Variants in CASC3 observed in about 807,000 individuals in gnomAD.
The protein encoded by CASC3 is CASC3 exon junction complex subunit.
CASC3 carries 30 observed loss-of-function variants against 80.5 expected under a neutral mutation model. The ratio of observed to expected loss-of-function variants is 0.37; its 90% confidence interval spans 0.28 to 0.51. The LOEUF (loss-of-function observed/expected upper bound fraction) is 0.51, where lower values mean the gene tolerates loss of function less well. CASC3 is among the 20% of genes least tolerant of loss of function. The pLI, the probability that CASC3 is intolerant of heterozygous loss-of-function variation, is 0.94. For synonymous variants in CASC3, 312 were observed against 333.6 expected (o/e 0.94, Z 0.70); for missense variants, 824 against 922.2 (o/e 0.89, Z 1.38).
At position 40,168,266 on chromosome 17, in the gene CASC3, C is replaced by G; in HGVS notation, c.1814C>G (p.Ser605Cys). The G allele has an allele frequency of 6.2e-7, 1 of 1,614,172 alleles. No individual in the cohort carries two copies. The highest frequency in any genetic ancestry group is 8.5e-7 in the Non-Finnish European group (1 of 1,180,026). Residue 605 changes from serine (S) to cysteine (C), a missense_variant, in exon 11 of 14, where the codon TCC becomes TGC. Around this residue, in one of 3 missense-constraint regions of CASC3, gnomAD observed 464 missense variants for 506.0 expected, o/e 0.92. Transcript: ENST00000264645. The part of the protein sequence containing the change: ...PNPGLYPPPV[S>C]MSPGQPPPQQ... ...CCAGGCCTCTATCCCCCACCAGTGT[C>G]CATGTCTCCAGGACAGCCACCACCT...
chr17:40,164,962 C>T (rs868523933), intron 7 of CASC3, among the ~76,000 whole-genome samples: 2 of 149,502 alleles, frequency 1.3e-5, no homozygotes, highest in Non-Finnish European at 3.0e-5. Context: ...TCACTGTTGC[C>T]CAGGCTGGAG....
chr17:40,155,046 C>G (rs559249819), intron 3 of CASC3, among the ~76,000 whole-genome samples: 30 of 151,912 alleles, frequency 2.0e-4, no homozygotes, highest in African/African-American at 7.0e-4. Context: ...CCCGCCACCA[C>G]GCCCAGCTGA....
intron 11 of CASC3, 113 bp downstream of exon 11, chr17:40,168,530 T>A (rs1598432332): frequency 1.1e-6 from 1 of 883,382 alleles, no homozygotes; most frequent in Non-Finnish European, 1.7e-6. Flanking sequence ...GTGCCACTGA[T>A]TTGTATGTGA....
In CASC3 at chr17:40,161,647, C is replaced by G. The variant is rs891502498; in HGVS notation, c.298-106C>G. ...TGAGCTGAGATTGTGCCACTGTATT[C>G]CAGCCTGGGTGACAGAGACTTTGTT... On this transcript the variant is annotated intron_variant, in intron 3 of 13. Transcript: ENST00000264645. 20 of 971,802 alleles carry G rather than the reference C, an allele frequency of 2.1e-5. No homozygotes were observed. The African/African-American group carries it at 2.9e-4, about 14-fold the overall frequency. 60.2% of individuals were successfully genotyped at this position (971,802 alleles called of 1,614,324 possible).
chr17:40,170,790 G>C lies in CASC3; in HGVS notation c.*385G>C. On this transcript the variant is annotated 3_prime_UTR_variant, in exon 14 of 14. Coordinates refer to ENST00000264645, the MANE Select transcript of CASC3 (RefSeq NM_007359.5). ...CCTTCCTGTTTGTTTTGTTTTCTAA[G>C]ATGTTCATTTTTAAAGCCTGGCTTC... is the stretch of plus-strand genomic sequence containing the variant. The C allele has an allele frequency of 2.0e-6, 2 of 985,316 alleles. No individual in the cohort carries two copies. The highest frequency in any genetic ancestry group is 2.4e-6 in the Non-Finnish European group (2 of 829,766). 61.0% of individuals were successfully genotyped at this position (985,316 alleles called of 1,614,324 possible).
At position 40,171,686 on chromosome 17, in the gene CASC3, C is replaced by T. The variant is rs1989597070; in HGVS notation, c.*1281C>T. ...TCTGCTGCCTCTGTGGAAGAGATTC[C>T]TATTACTGCAGTACATACGTCTGCC... On this transcript the variant is annotated 3_prime_UTR_variant, in exon 14 of 14. Transcript: ENST00000264645. 9.6e-7 allele frequency: 1 copy of T among 1,040,786 alleles called. No homozygotes were observed. Among genetic ancestry groups the T allele is most frequent in the African/African-American group, 1.7e-5 (1 of 59,314 alleles). The allele number at this position is 1,040,786 out of a possible 1,614,324, so 64.5% of individuals were successfully genotyped here. A position where few individuals can be genotyped will look rare whatever the true frequency, so the allele number is the denominator to read the frequency against.
rs145097033 is a variant in CASC3 at position 40,160,318 on chromosome 17, C to A, written c.298-1435C>A. Among the ~76,000 whole-genome samples, 79 of 152,148 alleles carry A rather than the reference C, an allele frequency of 5.2e-4. 1 individual carries two copies. In the East Asian group the frequency reaches 0.012, roughly 23 times the overall value. On this transcript the variant is annotated intron_variant, in intron 3 of 13. Transcript: ENST00000264645. Reference sequence around the variant, plus strand: ...GAACTGCCTAGGCAACATAGCGAGACCTCGTCTCTACTAAAAATAAAAAAA... The same window carrying A: ...GAACTGCCTAGGCAACATAGCGAGAACTCGTCTCTACTAAAAATAAAAAAA...
At position 40,170,706 on chromosome 17, in the gene CASC3, TG is replaced by T. The variant is rs1989571460; in HGVS notation, c.*302del. 7 of 985,442 alleles carry T rather than the reference TG, an allele frequency of 7.1e-6. No homozygotes were observed. The highest frequency in any genetic ancestry group is 8.4e-6 in the Non-Finnish European group (7 of 829,926). The allele number at this position is 985,442 out of a possible 1,614,324, so 61.0% of individuals were successfully genotyped here. On this transcript the variant is annotated 3_prime_UTR_variant, in exon 14 of 14. Coordinates refer to ENST00000264645, the MANE Select transcript of CASC3 (RefSeq NM_007359.5). ...TTCTGAGTCTAGATACAGAAGCCCATGTCTTCTGCTGTTCTTCACTTCTGGG... is the reference window on the plus strand; with the variant it reads ...TTCTGAGTCTAGATACAGAAGCCCATTCTTCTGCTGTTCTTCACTTCTGGG...
intron 3 of CASC3, among the ~76,000 whole-genome samples, chr17:40,153,087 T>C (rs550406256): frequency 3.3e-5 from 5 of 152,298 alleles, no homozygotes; most frequent in Admixed American, 6.5e-5. Context: ...TAAGTTATTA[T>C]TAACTATGGT....
rs1445400198 is a variant in CASC3 at position 40,170,744 on chromosome 17, T to C, written c.*339T>C. On this transcript the variant is annotated 3_prime_UTR_variant, in exon 14 of 14. Transcript: ENST00000264645. ...TCTTCACTTCTGGGAAATTGAAGTG[T>C]CTTCTGTTCCCAAGGAAGCTCCTTC... The C allele has an allele frequency of 1.0e-6, 1 of 985,348 alleles. No individual in the cohort carries two copies. The highest frequency in any genetic ancestry group is 1.7e-5 in the African/African-American group (1 of 57,250). The allele number at this position is 985,348 out of a possible 1,614,324, so 61.0% of individuals were successfully genotyped here. A position where few individuals can be genotyped will look rare whatever the true frequency, so the allele number is the denominator to read the frequency against.
chr17:40,144,613 G>A (rs1016636968), intron 3 of CASC3, among the ~76,000 whole-genome samples: 4 of 150,556 alleles, frequency 2.7e-5, no homozygotes, highest in Admixed American at 2.0e-4. Flanking sequence ...CCAAAGTACC[G>A]GGATTACAGG....
At chr17:40,146,161 A>G (rs1988855293) in intron 3 of CASC3, among the ~76,000 whole-genome samples, 2 of 152,190 alleles carry the variant, frequency 1.3e-5, no homozygotes, top group Admixed American at 1.3e-4. Flanking sequence ...CAGAAAAGCT[A>G]GTTAAGAAAG....
Position 40,162,718 on chromosome 17 carries a change from T to TA in CASC3, c.609-6dup, listed in dbSNP as rs753889189. On this transcript the variant is annotated splice_region_variant and splice_polypyrimidine_tract_variant and intron_variant, in intron 5 of 13. Coordinates refer to ENST00000264645, the MANE Select transcript of CASC3 (RefSeq NM_007359.5). ...GACCCAAGACACTTTTCCTTCATTTTATCCAGACCCAAGGGGCGTCAGCGA... is the reference window on the plus strand; with the variant it reads ...GACCCAAGACACTTTTCCTTCATTTTAATCCAGACCCAAGGGGCGTCAGCGA... 9 of 1,612,644 alleles carry TA rather than the reference T, an allele frequency of 5.6e-6. No individual in the cohort carries two copies. The highest frequency in any genetic ancestry group is 7.6e-6 in the Non-Finnish European group (9 of 1,179,664).
rs552815048 is a variant in CASC3, at chr17:40,171,139, T to A, written c.*734T>A. The A allele has an allele frequency of 4.0e-4, 398 of 986,054 alleles. No individual in the cohort carries two copies. Among genetic ancestry groups the A allele is most frequent in the Non-Finnish European group, 4.5e-4 (377 of 830,004 alleles). 61.1% of individuals were successfully genotyped at this position (986,054 alleles called of 1,614,324 possible). On this transcript the variant is annotated 3_prime_UTR_variant, in exon 14 of 14. Transcript: ENST00000264645. ...GCTCAGAGTAGGTGGGTAGGAGCCCTTCTCTTTGACTTAGGTTTTTAGGAG... is the reference window on the plus strand; with the variant it reads ...GCTCAGAGTAGGTGGGTAGGAGCCCATCTCTTTGACTTAGGTTTTTAGGAG...
chr17:40,159,098 T>C (rs531806087), intron 3 of CASC3, among the ~76,000 whole-genome samples: 24 of 152,044 alleles, frequency 1.6e-4, no homozygotes, highest in Non-Finnish European at 3.4e-4. Flanking sequence ...TAGTTGGGCA[T>C]AGTGGTGTAC....
intron 3 of CASC3, among the ~76,000 whole-genome samples, chr17:40,146,164 T>G (rs912080358): frequency 6.6e-6 from 1 of 152,138 alleles, no homozygotes; most frequent in Non-Finnish European, 1.5e-5. Context: ...AAAAGCTAGT[T>G]AAGAAAGCTA....
intron 3 of CASC3, among the ~76,000 whole-genome samples, chr17:40,157,121 G>A (rs1989167223): frequency 6.6e-6 from 1 of 151,970 alleles, no homozygotes; most frequent in Non-Finnish European, 1.5e-5. Context: ...CGAGGCGGGT[G>A]GATCACGAGG....
intron 4 of CASC3, 29 bp downstream of exon 4, chr17:40,161,940 A>C: frequency 6.2e-7 from 1 of 1,613,384 alleles, no homozygotes; most frequent in Non-Finnish European, 8.5e-7. Context: ...CCTCCATTTT[A>C]GAGGCTGGAA....
At chr17:40,146,102 C>A (rs1234473606) in intron 3 of CASC3, among the ~76,000 whole-genome samples, 1 of 152,054 alleles carries the variant, frequency 6.6e-6, no homozygotes, top group Non-Finnish European at 1.5e-5. Flanking sequence ...TTTGAGGATT[C>A]TTTTATAGCA....
Sources: allele counts gnomAD v4.1 joint callset (sites outside exome capture counted in the v4.1 genomes callset), GRCh38; gene constraint gnomAD v4.1.1; regional missense constraint gnomAD v4.1.1; transcripts MANE v1.5; gene names NCBI Gene and HGNC (gene_info 2026-07-23, HGNC 2026-07-21).